Variants in SULT1C3 observed in about 807,000 individuals in gnomAD.
SULT1C3 encodes the protein sulfotransferase 1C3.
SULT1C3 carries 31 observed loss-of-function variants against 28.4 expected under a neutral mutation model. That is an observed-to-expected ratio of 1.09 (90% confidence interval 0.82 to 1.47). The LOEUF (loss-of-function observed/expected upper bound fraction) is 1.47. Ranked by LOEUF, SULT1C3 falls within the 40% of genes most tolerant of loss-of-function variation. The pLI is 0.00. For missense variants in SULT1C3, 307 were observed against 272.5 expected, an observed-to-expected ratio of 1.13 and a Z score of -0.89; for synonymous variants, 106 against 92.2, an observed-to-expected ratio of 1.15 and a Z score of -0.86.
downstream of SULT1C3, among the ~76,000 whole-genome samples, chr2:108,262,888 C>G (rs547482885): frequency 1.3e-5 from 2 of 152,212 alleles, no homozygotes; most frequent in Non-Finnish European, 2.9e-5. Flanking sequence ...ATTCAGAGGG[C>G]CTGGAAATTA....
chr2:108,254,579 T>C (rs1675814293), intron 4 of SULT1C3, among the ~76,000 whole-genome samples: 1 of 151,876 alleles, frequency 6.6e-6, no homozygotes, highest in South Asian at 2.1e-4. Context: ...GTAAACAGTG[T>C]CTGGCACGTA....
At chr2:108,253,587 G>A (rs113960100) in intron 4 of SULT1C3, 145 bp downstream of exon 4, 2 of 402,432 alleles carry the variant, frequency 5.0e-6, no homozygotes, top group Non-Finnish European at 8.7e-6. Flanking sequence ...TTAAAATCAA[G>A]GATTACATAA....
downstream of SULT1C3, among the ~76,000 whole-genome samples, chr2:108,264,014 A>G (rs367722066): frequency 6.6e-6 from 1 of 152,176 alleles, no homozygotes; most frequent in South Asian, 2.1e-4. Context: ...TAAAGTGTAC[A>G]TAGTTGTGTT....
At chr2:108,263,125 T>C (rs1217507678), downstream of SULT1C3, among the ~76,000 whole-genome samples, 1 of 152,220 alleles carries the variant, frequency 6.6e-6, no homozygotes, top group Non-Finnish European at 1.5e-5. Context: ...TGTCTCCTGT[T>C]AAACTACTGA....
chr2:108,242,646 A>G (rs924242402), intron 1 of SULT1C3, among the ~76,000 whole-genome samples: 2 of 152,224 alleles, frequency 1.3e-5, no homozygotes, highest in African/African-American at 4.8e-5. Context: ...TGAAACCCCC[A>G]AAACATAAAC....
chr2:108,263,066 T>C (rs1676058008), downstream of SULT1C3, among the ~76,000 whole-genome samples: 1 of 152,178 alleles, frequency 6.6e-6, no homozygotes, highest in Admixed American at 6.5e-5. Context: ...CTAATGAAGT[T>C]TGCTTAATTT....
At chr2:108,242,587 T>G (rs1039827284) in intron 1 of SULT1C3, among the ~76,000 whole-genome samples, 1 of 152,218 alleles carries the variant, frequency 6.6e-6, no homozygotes, top group Non-Finnish European at 1.5e-5. Flanking sequence ...ACAGTGTATT[T>G]TCTACCTGGT....
At chr2:108,240,563 C>G (rs1675442145) in intron 1 of SULT1C3, among the ~76,000 whole-genome samples, 1 of 152,076 alleles carries the variant, frequency 6.6e-6, no homozygotes, top group Non-Finnish European at 1.5e-5. Flanking sequence ...GGGTGGGCAC[C>G]CTACTTACTT....
chr2:108,247,245 G>C lies in SULT1C3; in HGVS notation c.51G>C (p.Leu17=). The C allele has an allele frequency of 6.3e-7, 1 of 1,588,488 alleles. No individual in the cohort carries two copies. The highest frequency in any genetic ancestry group is 8.6e-7 in the Non-Finnish European group (1 of 1,166,932). Residue 17 remains leucine, a synonymous_variant, in exon 2 of 8, where the codon CTG becomes CTC. Transcript: ENST00000681802. The part of the protein sequence containing the change: ...NAPTMEKKPE[L]FNIMEVDGVP... ...CCACGATGGAAAAAAAGCCAGAACT[G>C]TTTAACATCATGGAAGTAGATGGAG...
chr2:108,249,590 G>A (rs1019243643), intron 2 of SULT1C3, among the ~76,000 whole-genome samples: 1 of 152,010 alleles, frequency 6.6e-6, no homozygotes, highest in African/African-American at 2.4e-5. Context: ...ATTTGAAAGT[G>A]AAAACACTAC....
At chr2:108,254,787 A>ATATG (rs1403060464) in intron 4 of SULT1C3, among the ~76,000 whole-genome samples, 1 of 151,038 alleles carries the variant, frequency 6.6e-6, no homozygotes, top group Non-Finnish European at 1.5e-5. Flanking sequence ...ATATATGTAT[A>ATATG]TATGTATGTA....
intron 4 of SULT1C3, among the ~76,000 whole-genome samples, chr2:108,253,712 G>C (rs1675792157): frequency 6.6e-6 from 1 of 151,958 alleles, no homozygotes; most frequent in Non-Finnish European, 1.5e-5. Context: ...ACAAATCAGA[G>C]AGTGTATTGG....
chr2:108,253,260 C>T, intron 3 of SULT1C3, 85 bp from the exon 4 acceptor site: 1 of 851,490 alleles, frequency 1.2e-6, no homozygotes, highest in South Asian at 3.3e-5. Context: ...AATATAATCA[C>T]TCTACAGACA....
intron 2 of SULT1C3, among the ~76,000 whole-genome samples, 176 bp from the exon 3 acceptor site, chr2:108,252,185 AGATG>A (rs891677458): frequency 2.8e-5 from 4 of 140,368 alleles, no homozygotes; most frequent in African/African-American, 7.9e-5. Context: ...ATAGATAGAT[AGATG>A]GATAGATAGA....
At chr2:108,243,077 T>A (rs1307317673) in intron 1 of SULT1C3, among the ~76,000 whole-genome samples, 1 of 152,222 alleles carries the variant, frequency 6.6e-6, no homozygotes, top group Non-Finnish European at 1.5e-5. Context: ...ACCTTACAGG[T>A]GAAACCAATG....
At chr2:108,254,208 C>T (rs1266722067) in intron 4 of SULT1C3, among the ~76,000 whole-genome samples, 1 of 152,036 alleles carries the variant, frequency 6.6e-6, no homozygotes, top group Non-Finnish European at 1.5e-5. Context: ...CCTGCTCCAT[C>T]TCCTCCCCAG....
At chr2:108,247,441 G>A in intron 2 of SULT1C3, 75 bp downstream of exon 2, 1 of 1,327,054 alleles carries the variant, frequency 7.5e-7, no homozygotes, top group Non-Finnish European at 1.0e-6. Context: ...GATAAATGAA[G>A]CATGATTGGG....
chr2:108,253,594 A>C (rs1373412809), intron 4 of SULT1C3, 152 bp downstream of exon 4: 1 of 399,278 alleles, frequency 2.5e-6, no homozygotes, highest in Non-Finnish European at 4.4e-6. Context: ...CAAGGATTAC[A>C]TAAATTTGAA....
Position 108,252,484 on chromosome 2 carries a change from GA to G in SULT1C3, c.297del (p.Lys99AsnfsTer15). On this transcript the variant is annotated frameshift_variant, in exon 3 of 8. Transcript: ENST00000681802. LOFTEE classifies it high-confidence loss of function. ...CCTTGAACTGAAATTTCCCCATAAA[GA>G]AAAACCAGGTGAGTAATATGCACGA... The part of the protein sequence containing the change: ...AFLELKFPHK[E>X]KPDLEFVLEM... 10 of 1,611,792 alleles carry G rather than the reference GA, an allele frequency of 6.2e-6. No homozygotes were observed. The highest frequency in any genetic ancestry group is 8.5e-6 in the Non-Finnish European group (10 of 1,178,720).
Sources: gnomAD v4.1 joint callset for allele counts (sites outside exome capture counted in the v4.1 genomes callset) on GRCh38, gnomAD v4.1.1 for gene constraint, MANE v1.5 for transcripts, NCBI Gene and HGNC (gene_info 2026-07-23, HGNC 2026-07-21) for gene names.